Variants in GK5 observed in about 807,000 individuals in gnomAD.
The protein encoded by GK5 is ATP:glycerol 3-phosphotransferase 5.
Under a neutral mutation model 77.3 loss-of-function variants are expected in GK5, and 39 were observed. That is an observed-to-expected ratio of 0.50 (90% CI 0.39 to 0.66). The LOEUF (loss-of-function observed/expected upper bound fraction) is 0.66. Among genes scored for constraint, GK5 ranks in the 30% least tolerant of loss-of-function variants. The pLI is 0.00. For missense variants in GK5, 487 were observed against 633.8 expected (o/e 0.77, Z 2.49); for synonymous variants, 211 against 208.0 (o/e 1.01, Z -0.13).
rs2063718995 is a variant in GK5 at position 142,183,054 on chromosome 3, C to T, written c.817-5G>A. ...GGCTGATTGCTGGTCAGCAACCTACCAAAAATGTTCAAATGTAAACCCATT... is the reference window on the plus strand; with the variant it reads ...GGCTGATTGCTGGTCAGCAACCTACTAAAAATGTTCAAATGTAAACCCATT... On this transcript the variant is annotated splice_polypyrimidine_tract_variant and splice_region_variant and intron_variant, in intron 9 of 15. Transcript: ENST00000392993. The T allele has an allele frequency of 6.2e-7, 1 of 1,612,952 alleles. No individual in the cohort carries two copies. The highest frequency in any genetic ancestry group is 8.5e-7 in the Non-Finnish European group (1 of 1,179,572).
At chr3:142,170,684 T>C (rs2063525428) in intron 14 of GK5, among the ~76,000 whole-genome samples, 1 of 152,190 alleles carries the variant, frequency 6.6e-6, no homozygotes, top group Non-Finnish European at 1.5e-5. Context: ...TCCTTGTTTG[T>C]CTTAGGACTA....
intron 2 of GK5, among the ~76,000 whole-genome samples, chr3:142,214,830 G>A (rs1010285330): frequency 6.6e-6 from 1 of 152,164 alleles, no homozygotes; most frequent in East Asian, 1.9e-4. Context: ...TTGCATTGTG[G>A]TTATAGGAGA....
intron 5 of GK5, among the ~76,000 whole-genome samples, chr3:142,192,057 G>A (rs1362160922): frequency 6.6e-6 from 1 of 152,150 alleles, no homozygotes; most frequent in Non-Finnish European, 1.5e-5. Context: ...CCTCACCCAA[G>A]ATATACTGAT....
rs970014175 is a variant in GK5, at chr3:142,225,516, A to G, written c.-61T>C. 7.7e-6 allele frequency: 12 copies of G among 1,550,222 alleles called. No homozygotes were observed. The highest frequency in any genetic ancestry group is 2.8e-5 in the African/African-American group (2 of 71,880). On this transcript the variant is annotated 5_prime_UTR_variant, in exon 1 of 16. Transcript: ENST00000392993. The stretch of plus-strand genomic sequence containing the variant: ...CCCAGAGGGCGCGCTACAAATCCCA[A>G]TGCTCCAGAGTCCCCGGGCGGCCCA...
At chr3:142,207,626 T>C (rs1245934111) in intron 3 of GK5, among the ~76,000 whole-genome samples, 2 of 152,194 alleles carry the variant, frequency 1.3e-5, no homozygotes, top group African/African-American at 4.8e-5. Flanking sequence ...CAAATGACCC[T>C]AAATCTCTCA....
chr3:142,165,669 A>G lies in GK5; in HGVS notation c.1543T>C (p.Trp515Arg). 1.2e-6 allele frequency: 2 copies of G among 1,613,190 alleles called. No homozygotes were observed. Among genetic ancestry groups the G allele is most frequent in the Non-Finnish European group, 1.7e-6 (2 of 1,179,652 alleles). The stretch of plus-strand genomic sequence containing the variant: ...ATGGAGCGTTTCACTGCTTTGGCCC[A>G]GTTTTCCAGACTCATTTCATATTCT... ...CQEYEMSLENWAKAVKRSMNW... is the reference protein window; with the variant it reads ...CQEYEMSLENRAKAVKRSMNW... The change falls in exon 16 of 16, where the codon TGG becomes CGG. Residue 515 changes from tryptophan to arginine, a missense_variant. Physicochemically the swap from Trp to Arg is moderately radical, Grantham distance 101 (BLOSUM62 -3). Around this residue, in one of 4 missense-constraint regions of GK5, gnomAD observed 65 missense variants for 89.9 expected, o/e 0.72. Transcript: ENST00000392993.
rs2063409617 is a variant in GK5, at chr3:142,159,702, A to G, written c.*5920T>C. ...GAAAAAACCACCAACACGATTTTGA[A>G]TCATCTATTTAACTTTTTTAGATTA... On this transcript the variant is annotated 3_prime_UTR_variant, in exon 16 of 16. Coordinates refer to ENST00000392993, the MANE Select transcript of GK5 (RefSeq NM_001039547.3). 1 of 152,130 alleles carries G rather than the reference A, an allele frequency of 6.6e-6. No individual in the cohort carries two copies. Among genetic ancestry groups the G allele is most frequent in the African/African-American group, 2.4e-5 (1 of 41,418 alleles). The allele number at this position is 152,130 out of a possible 1,614,324, so 9.4% of individuals were successfully genotyped here. A position where few individuals can be genotyped will look rare whatever the true frequency, so the allele number is the denominator to read the frequency against.
chr3:142,177,590 C>T lies in GK5; in HGVS notation c.1049-14G>A. The T allele has an allele frequency of 1.3e-6, 2 of 1,548,350 alleles. No homozygotes were observed. The highest frequency in any genetic ancestry group is 1.8e-6 in the Non-Finnish European group (2 of 1,129,058). On this transcript the variant is annotated splice_polypyrimidine_tract_variant and intron_variant, in intron 11 of 15. Transcript: ENST00000392993. ...CTGTGAAAAGGTCTGCAAAAACAAA[C>T]AAACAACAAAAAACCCTAAAACAAA...
At chr3:142,169,173 A>C (rs1228602562) in intron 15 of GK5, among the ~76,000 whole-genome samples, 1 of 152,222 alleles carries the variant, frequency 6.6e-6, no homozygotes, top group Non-Finnish European at 1.5e-5. Flanking sequence ...TTGTTCAATA[A>C]ATAAAAGAAT....
intron 9 of GK5, chr3:142,185,564 C>T: frequency 9.5e-7 from 1 of 1,058,058 alleles, no homozygotes; most frequent in Middle Eastern, 4.7e-4. Context: ...TACACATTAT[C>T]AAACAGAACA....
intron 15 of GK5, among the ~76,000 whole-genome samples, chr3:142,166,848 C>T (rs147692105): frequency 5.9e-5 from 9 of 152,054 alleles, no homozygotes; most frequent in African/African-American, 1.9e-4. Flanking sequence ...ACATTTATAA[C>T]TAAGATCATA....
chr3:142,178,563 G>A lies in GK5; in HGVS notation c.1049-987C>T, dbSNP rs181652909. On this transcript the variant is annotated intron_variant, in intron 11 of 15. Transcript: ENST00000392993. Reference sequence around the variant, plus strand: ...ATTTCTTTTGTTAAACATCGTACTCGTGAGATTCATTCACACTGTTACATG... The same window carrying A: ...ATTTCTTTTGTTAAACATCGTACTCATGAGATTCATTCACACTGTTACATG... Among the ~76,000 whole-genome samples the A allele has an allele frequency of 4.6e-5, 7 of 152,272 alleles. No individual in the cohort carries two copies. The East Asian group carries it at 9.6e-4, about 21-fold the overall frequency.
In GK5 at chr3:142,219,492, T is replaced by C. The variant is rs2064314629; in HGVS notation, c.148-3800A>G. Among the ~76,000 whole-genome samples the C allele has an allele frequency of 1.3e-5, 2 of 152,208 alleles. 1 individual carries two copies. The highest frequency in any genetic ancestry group is 1.3e-4 in the Admixed American group (2 of 15,284). On this transcript the variant is annotated intron_variant, in intron 1 of 15. Coordinates refer to ENST00000392993, the MANE Select transcript of GK5 (RefSeq NM_001039547.3). ...TCTCAAAAGGCTACTTGCTGTATGATTCCATTTATATGACATTCTCAAAAA... is the reference window on the plus strand; with the variant it reads ...TCTCAAAAGGCTACTTGCTGTATGACTCCATTTATATGACATTCTCAAAAA...
At chr3:142,199,965 ATT>A (rs1003787376) in intron 4 of GK5, among the ~76,000 whole-genome samples, 4 of 151,998 alleles carry the variant, frequency 2.6e-5, no homozygotes, top group African/African-American at 9.7e-5. Context: ...AGTAATATAA[ATT>A]TTTTTCTTTC....
At chr3:142,185,783 G>A in intron 9 of GK5, 146 bp downstream of exon 9, 1 of 1,555,028 alleles carries the variant, frequency 6.4e-7, no homozygotes, top group Non-Finnish European at 8.7e-7. Context: ...GTCATATCCA[G>A]GGACCTTTAA....
intron 4 of GK5, among the ~76,000 whole-genome samples, chr3:142,201,746 T>C (rs1364602905): frequency 2.6e-5 from 4 of 152,226 alleles, no homozygotes; most frequent in Admixed American, 2.0e-4. Context: ...TGTTATACTA[T>C]AGTTTTTCAA....
chr3:142,190,882 T>A (rs571761791), intron 5 of GK5, among the ~76,000 whole-genome samples: 12 of 152,226 alleles, frequency 7.9e-5, no homozygotes, highest in African/African-American at 2.9e-4. Flanking sequence ...AAAAATCTAG[T>A]CATTTGCAAA....
At chr3:142,185,702 G>A in intron 9 of GK5, 1 of 1,446,818 alleles carries the variant, frequency 6.9e-7, no homozygotes, top group African/African-American at 1.4e-5. Context: ...AGTCAGAAAA[G>A]GTTATAAAGT....
chr3:142,168,125 TAGA>T (rs779730229), intron 15 of GK5, among the ~76,000 whole-genome samples: 26 of 152,240 alleles, frequency 1.7e-4, no homozygotes, highest in Non-Finnish European at 2.6e-4. Flanking sequence ...GTGAAAAGTG[TAGA>T]AGAATTTGAT....
Sources: gnomAD v4.1 joint callset for allele counts (sites outside exome capture counted in the v4.1 genomes callset) on GRCh38, gnomAD v4.1.1 for gene constraint, gnomAD v4.1.1 regional missense constraint, MANE v1.5 for transcripts, NCBI Gene and HGNC (gene_info 2026-07-23, HGNC 2026-07-21) for gene names.